The following PGM1 variants were observed in gnomAD, a reference collection of about 807,000 sequenced individuals.
The protein encoded by PGM1 is phosphoglucomutase-1.
In PGM1, 52 loss-of-function variants were observed where a neutral mutation model predicts 55.6. The observed-to-expected ratio is 0.94, with a 90% CI of 0.75 to 1.18. PGM1 has a LOEUF of 1.18. Among genes scored for constraint, PGM1 ranks in the 50% most tolerant of loss-of-function variants. The pLI, the probability that PGM1 is intolerant of heterozygous loss-of-function variation, is 0.00. For missense variants in PGM1, 724 were observed against 729.3 expected, an observed-to-expected ratio of 0.99 and a Z score of 0.08; for synonymous variants, 287 against 271.7, an observed-to-expected ratio of 1.06 and a Z score of -0.55.
Position 63,593,691 on chromosome 1 carries a change from A to G in PGM1, c.203A>G (p.Lys68Arg), listed in dbSNP as rs200390982. Residue 68 changes from lysine (K) to arginine (R), a missense_variant, in exon 1 of 11, where the codon AAG becomes AGG. Lys to Arg is a conservative substitution (Grantham distance 26). Coordinates refer to ENST00000371084, the MANE Select transcript of PGM1 (RefSeq NM_002633.3). Reference protein sequence around the residue: ...VVGGDGRFYMKEAIQLIARIA... With the variant: ...VVGGDGRFYMREAIQLIARIA... The stretch of plus-strand genomic sequence containing the variant: ...GGCGGGGACGGCCGGTTCTACATGA[A>G]GGAGGCCATCCAGCTCATCGCTCGC... 13 of 1,604,810 alleles carry G rather than the reference A, an allele frequency of 8.1e-6. No homozygotes were observed. Among genetic ancestry groups the G allele is most frequent in the Non-Finnish European group, 1.1e-5 (13 of 1,176,930 alleles).
intron 1 of PGM1, chr1:63,623,334 T>C: frequency 6.7e-7 from 1 of 1,502,344 alleles, no homozygotes; most frequent in Non-Finnish European, 8.8e-7. Context: ...AGAGTGATCG[T>C]CCATGCAAAC....
intron 4 of PGM1, 94 bp from the exon 5 acceptor site, chr1:63,634,735 C>A: frequency 1.0e-6 from 1 of 1,000,076 alleles, no homozygotes; most frequent in Non-Finnish European, 1.6e-6. Context: ...CCATTCTTCT[C>A]CCCAGAATGC....
At chr1:63,598,432 T>C (rs1424897374) in intron 1 of PGM1, among the ~76,000 whole-genome samples, 1 of 152,228 alleles carries the variant, frequency 6.6e-6, no homozygotes, top group African/African-American at 2.4e-5. Flanking sequence ...GTGGAGGATT[T>C]AATACTGCCT....
intron 10 of PGM1, among the ~76,000 whole-genome samples, chr1:63,656,571 GGTGTGTGTGTGTGTGT>G (rs10629750): frequency 2.1e-5 from 3 of 144,240 alleles, no homozygotes; most frequent in South Asian, 2.2e-4. Context: ...AAGACATTGT[GGTGTGTGTGTGTGTGT>G]GTGTGTGTGT....
In PGM1 at chr1:63,654,264, C is replaced by G. The variant is rs566543134; in HGVS notation, c.1465-68C>G. 10 of 1,461,686 alleles carry G rather than the reference C, an allele frequency of 6.8e-6. No homozygotes were observed. In the East Asian group the frequency reaches 2.0e-4, roughly 30 times the overall value. The allele number at this position is 1,461,686 out of a possible 1,614,324, so 90.5% of individuals were successfully genotyped here. ...GATGAAATTACATCCCCAAATAGAC[C>G]CCTCATAATTTGCCAGCCTTCAGTC... On this transcript the variant is annotated intron_variant, in intron 9 of 10. Transcript: ENST00000371084.
Position 63,651,676 on chromosome 1 carries a change from T to C in PGM1, c.1288T>C (p.Tyr430His). 2.5e-6 allele frequency: 4 copies of C among 1,613,638 alleles called. No homozygotes were observed. The highest frequency in any genetic ancestry group is 3.4e-6 in the Non-Finnish European group (4 of 1,179,678). Residue 430 changes from tyrosine to histidine, a missense_variant, in exon 9 of 11, where the codon TAC becomes CAC. Transcript: ENST00000371084. ...CTTCGTGACTTCTTCCAGGTATGATTACGAGGAGGTGGAAGCTGAGGGCGC... is the reference window on the plus strand; with the variant it reads ...CTTCGTGACTTCTTCCAGGTATGATCACGAGGAGGTGGAAGCTGAGGGCGC... Reference protein sequence around the residue: ...YGRNFFTRYDYEEVEAEGANK... With the variant: ...YGRNFFTRYDHEEVEAEGANK...
chr1:63,601,608 T>C (rs1396949547), intron 1 of PGM1, among the ~76,000 whole-genome samples: 1 of 152,134 alleles, frequency 6.6e-6, no homozygotes, highest in African/African-American at 2.4e-5. Flanking sequence ...AAGTAAGTAA[T>C]GGCTAGCCGA....
At position 63,649,129 on chromosome 1, in the gene PGM1, CT is replaced by C. The variant is rs1649738747; in HGVS notation, c.1280+484del. Among the ~76,000 whole-genome samples the C allele has an allele frequency of 2.0e-5, 3 of 152,266 alleles. No homozygotes were observed. The South Asian group carries it at 6.2e-4, about 32-fold the overall frequency. ...CTTTGGGGCACTGAAAGCCTAGAAA[CT>C]TTTTTTCATAAATTATAGAAACAGT... is the stretch of plus-strand genomic sequence containing the variant. On this transcript the variant is annotated intron_variant, in intron 8 of 10. Transcript: ENST00000371084.
At chr1:63,643,127 TG>T (rs1232277211) in intron 7 of PGM1, among the ~76,000 whole-genome samples, 1 of 152,218 alleles carries the variant, frequency 6.6e-6, no homozygotes, top group Non-Finnish European at 1.5e-5. Flanking sequence ...TACATTTCCC[TG>T]TAGGCAAAGC....
intron 2 of PGM1, 39 bp from the exon 3 acceptor site, chr1:63,629,903 C>T (rs1375768864): frequency 5.6e-6 from 9 of 1,611,798 alleles, no homozygotes; most frequent in Non-Finnish European, 7.6e-6. Flanking sequence ...TCCATGTGAG[C>T]TGCACGAAGT....
intron 5 of PGM1, 125 bp downstream of exon 5, chr1:63,635,144 G>T: frequency 1.2e-6 from 1 of 801,016 alleles, no homozygotes; most frequent in East Asian, 2.5e-5. Flanking sequence ...ATTCTGACCC[G>T]AGGTCAGAAC....
intron 9 of PGM1, 75 bp from the exon 10 acceptor site, chr1:63,654,257 A>AATAGACCCCTCATAATTTGCC: frequency 1.4e-6 from 2 of 1,430,280 alleles, no homozygotes; most frequent in Admixed American, 3.4e-5. Context: ...TACATCCCCA[A>AATAGACCCCTCATAATTTGCC]ATAGACCCCT....
At chr1:63,655,515 G>A (rs1649938255) in intron 10 of PGM1, among the ~76,000 whole-genome samples, 1 of 152,186 alleles carries the variant, frequency 6.6e-6, no homozygotes, top group Non-Finnish European at 1.5e-5. Flanking sequence ...GTATATCAGA[G>A]TAAGGAGGGA....
chr1:63,610,671 C>G (rs1239008971), intron 1 of PGM1, among the ~76,000 whole-genome samples: 1 of 152,128 alleles, frequency 6.6e-6, no homozygotes, highest in Non-Finnish European at 1.5e-5. Context: ...TCTCTTCTTC[C>G]CAGATTTGCC....
At chr1:63,607,751 A>C (rs1648462867) in intron 1 of PGM1, among the ~76,000 whole-genome samples, 1 of 152,136 alleles carries the variant, frequency 6.6e-6, no homozygotes. Context: ...CCATGCACGC[A>C]CTCCAGTGAT....
intron 1 of PGM1, among the ~76,000 whole-genome samples, chr1:63,594,760 G>A (rs1647993425): frequency 1.4e-5 from 2 of 145,600 alleles, no homozygotes; most frequent in African/African-American, 5.2e-5. Context: ...TGGCTAACAC[G>A]GTGAAACCAC....
chr1:63,645,485 G>C (rs988373157), intron 7 of PGM1, among the ~76,000 whole-genome samples: 2 of 152,174 alleles, frequency 1.3e-5, no homozygotes, highest in Admixed American at 6.5e-5. Flanking sequence ...ATATATTAGG[G>C]AAGCTGCCAG....
At chr1:63,633,866 CTGTGTGTGTGTGTGTG>C (rs58094821) in intron 4 of PGM1, among the ~76,000 whole-genome samples, 3,765 of 73,386 alleles carry the variant, frequency 0.051, 293 homozygotes, top group African/African-American at 0.13. Context: ...GTCTGTGTCT[CTGTGTGTGTGTGTGTG>C]TGTGTGTGTG....
rs765463996 is a variant in PGM1 at position 63,631,685 on chromosome 1, T to C, written c.585T>C (p.Tyr195=). The change falls in exon 4 of 11, where the codon TAT becomes TAC. Residue 195 remains tyrosine (Y), a synonymous_variant. Coordinates refer to ENST00000371084, the MANE Select transcript of PGM1 (RefSeq NM_002633.3). ...AAATTGTGGATTCGGTAGAAGCTTA[T>C]GCTACAATGCTGAGAAGCATCTTTG... ...TVEIVDSVEA[Y]ATMLRSIFDF... is the part of the protein sequence containing the mutation. 3.7e-6 allele frequency: 6 copies of C among 1,613,442 alleles called. No individual in the cohort carries two copies. In the East Asian group the frequency reaches 1.1e-4, roughly 30 times the overall value.
Sources: gnomAD v4.1 joint callset for allele counts (sites outside exome capture counted in the v4.1 genomes callset) on GRCh38, gnomAD v4.1.1 for gene constraint, MANE v1.5 for transcripts, NCBI Gene and HGNC (gene_info 2026-07-23, HGNC 2026-07-21) for gene names.